GTF3C2: variants seen among roughly 807,000 people sequenced by gnomAD.
The protein encoded by GTF3C2 is general transcription factor IIIC subunit 2, also known as general transcription factor 3C polypeptide 2.
Under a neutral mutation model 117.4 loss-of-function variants are expected in GTF3C2, and 17 were observed. The observed-to-expected ratio is 0.14, with a 90% CI of 0.10 to 0.22. The LOEUF (loss-of-function observed/expected upper bound fraction) is 0.22, where lower values mean the gene tolerates loss of function less well. GTF3C2 is among the 10% of genes least tolerant of loss of function. GTF3C2 has a pLI of 1.00. For missense variants in GTF3C2, 888 were observed against 1,143.6 expected, an observed-to-expected ratio of 0.78 and a Z score of 3.22; for synonymous variants, 437 against 427.0, an observed-to-expected ratio of 1.02 and a Z score of -0.29.
rs375259640 is a variant in GTF3C2 at position 27,336,073 on chromosome 2, C to T, written c.1356-45G>A. 170 of 1,436,282 alleles carry T rather than the reference C, an allele frequency of 1.2e-4. 2 individuals are homozygous for T. In the African/African-American group the frequency reaches 1.9e-3, roughly 16 times the overall value. 89.0% of individuals were successfully genotyped at this position (1,436,282 alleles called of 1,614,324 possible). ...GGGGATGGTGGGTAGGAAGAAGGGA[C>T]GCAGGGCTGCCAGAGGTAAGCTCCC... On this transcript the variant is annotated intron_variant, in intron 8 of 18. Coordinates refer to ENST00000264720, the Ensembl canonical transcript of GTF3C2.
chr2:27,347,152 G>C, intron 1 of GTF3C2, among the ~76,000 whole-genome samples: 1 of 152,122 alleles, frequency 6.6e-6, no homozygotes, highest in Non-Finnish European at 1.5e-5. Flanking sequence ...ACTCTCCAAG[G>C]GTCCAGTTTT....
exon 16 of GTF3C2, chr2:27,328,588 T>C: frequency 6.2e-7 from 1 of 1,610,856 alleles, no homozygotes; most frequent in South Asian, 1.1e-5. Flanking sequence ...AGTCGGATCC[T>C]GAAAGACTCT....
chr2:27,339,420 A>G (rs888058628), intron 4 of GTF3C2, among the ~76,000 whole-genome samples: 1 of 151,138 alleles, frequency 6.6e-6, no homozygotes, highest in Admixed American at 6.6e-5. Context: ...AAAAAAAAAA[A>G]AAAAAAAGAA....
intron 1 of GTF3C2, among the ~76,000 whole-genome samples, chr2:27,343,812 G>A (rs1680828003): frequency 6.6e-6 from 1 of 152,110 alleles, no homozygotes. Context: ...TAGGGAGGCT[G>A]AGGCAGGAAG....
intron 18 of GTF3C2, 122 bp downstream of exon 18, chr2:27,327,055 T>G: frequency 1.5e-6 from 1 of 674,134 alleles, no homozygotes; most frequent in South Asian, 1.8e-5. Flanking sequence ...GAGGTACGTC[T>G]GTCATGCTCT....
Position 27,328,029 on chromosome 2 carries a change from C to G in GTF3C2, c.2409+8G>C. 6.2e-7 allele frequency: 1 copy of G among 1,608,672 alleles called. No homozygotes were observed. The highest frequency in any genetic ancestry group is 1.3e-5 in the African/African-American group (1 of 74,672). Reference sequence around the variant, plus strand: ...AATACCACACCCATTCTCCTGGCCTCAGCTTACCAAATCTGTGTCTTGAAA... The same window carrying G: ...AATACCACACCCATTCTCCTGGCCTGAGCTTACCAAATCTGTGTCTTGAAA... On this transcript the variant is annotated splice_region_variant and intron_variant, in intron 17 of 18. Transcript: ENST00000264720.
chr2:27,333,893 TAAG>T lies in GTF3C2; in HGVS notation c.1602+78_1602+80del, dbSNP rs939037589. On this transcript the variant is annotated intron_variant, in intron 11 of 18. Transcript: ENST00000264720. ...AGGATGAGGGTATTTTTCAGAAGTATAAGGAGACTCACTGTGGAATCAGCAAGG... is the reference window on the plus strand; with the variant it reads ...AGGATGAGGGTATTTTTCAGAAGTATGAGACTCACTGTGGAATCAGCAAGG... The T allele has an allele frequency of 2.9e-5, 42 of 1,457,764 alleles. No homozygotes were observed. In the African/African-American group the frequency reaches 5.7e-4, roughly 20 times the overall value. The allele number at this position is 1,457,764 out of a possible 1,614,324, so 90.3% of individuals were successfully genotyped here. A position where few individuals can be genotyped will look rare whatever the true frequency, so the allele number is the denominator to read the frequency against.
intron 1 of GTF3C2, among the ~76,000 whole-genome samples, chr2:27,344,694 A>C (rs1163985785): frequency 6.6e-6 from 1 of 152,248 alleles, no homozygotes; most frequent in African/African-American, 2.4e-5. Context: ...ATTTAAGAAT[A>C]AGTAAAAGGC....
chr2:27,337,285 AC>A lies in GTF3C2; in HGVS notation c.1085del (p.Arg362LeufsTer13). On this transcript the variant is annotated frameshift_variant, in exon 7 of 19. Transcript: ENST00000264720. LOFTEE classifies it high-confidence loss of function. ...GGGTGCCATCTTCAGGTAGCCCTTC[AC>A]GTTGTACAGAAAACAATGGAGACTT... 6.2e-7 allele frequency: 1 copy of A among 1,613,608 alleles called. No individual in the cohort carries two copies.
intron 4 of GTF3C2, chr2:27,339,968 C>G (rs536249391): frequency 1.7e-5 from 2 of 119,118 alleles, no homozygotes; most frequent in East Asian, 5.0e-4. Flanking sequence ...GCCTGGGTGA[C>G]AGAGCAAGAC....
chr2:27,356,282 G>C (rs952920453), intron 1 of GTF3C2: 5 of 399,182 alleles, frequency 1.3e-5, no homozygotes, highest in African/African-American at 1.0e-4. Context: ...TCGAGGAAGA[G>C]GCTGGGACAC....
rs184484492 is a variant in GTF3C2 at position 27,336,470 on chromosome 2, G to C, written c.1128-45C>G. 8.2e-6 allele frequency: 10 copies of C among 1,220,538 alleles called. 1 individual carries two copies. The East Asian group carries it at 2.3e-4, about 29-fold the overall frequency. 75.6% of individuals were successfully genotyped at this position (1,220,538 alleles called of 1,614,324 possible). A position where few individuals can be genotyped will look rare whatever the true frequency, so the allele number is the denominator to read the frequency against. ...GGGATGAAGAAAGGAATTAATGAAA[G>C]GTAATGAGGACTGAATGGGCGCTCC... On this transcript the variant is annotated intron_variant, in intron 7 of 18. Coordinates refer to ENST00000264720, the Ensembl canonical transcript of GTF3C2.
intron 9 of GTF3C2, 42 bp from the exon 10 acceptor site, chr2:27,335,748 G>A: frequency 8.8e-6 from 12 of 1,360,094 alleles, no homozygotes; most frequent in Non-Finnish European, 1.2e-5. Flanking sequence ...GCCTTCAGCT[G>A]ACTCACAGAA....
Position 27,338,479 on chromosome 2 carries a change from C to T in GTF3C2, c.856-459G>A, listed in dbSNP as rs559530894. ...ACGCGCGCACACACACACACACACA[C>T]ACACTCCTGGTAATCTCATCTCATG... On this transcript the variant is annotated intron_variant, in intron 4 of 18. Coordinates refer to ENST00000264720, the Ensembl canonical transcript of GTF3C2. Among the ~76,000 whole-genome samples the T allele has an allele frequency of 1.4e-3, 212 of 152,038 alleles. 2 individuals carry two copies. The highest frequency in any genetic ancestry group is 9.4e-4 in the Non-Finnish European group (64 of 68,022).
intron 1 of GTF3C2, among the ~76,000 whole-genome samples, chr2:27,347,157 A>C (rs1680945830): frequency 6.6e-6 from 1 of 152,324 alleles, no homozygotes; most frequent in African/African-American, 2.4e-5. Context: ...CCAAGGGTCC[A>C]GTTTTTGGCC....
chr2:27,352,755 T>C (rs566934078), intron 1 of GTF3C2, among the ~76,000 whole-genome samples: 22 of 152,308 alleles, frequency 1.4e-4, no homozygotes, highest in African/African-American at 5.1e-4. Flanking sequence ...AAGCATATTG[T>C]CCCCCAACTC....
chr2:27,332,300 C>A (rs1444427493), intron 12 of GTF3C2, among the ~76,000 whole-genome samples: 1 of 151,558 alleles, frequency 6.6e-6, no homozygotes, highest in Non-Finnish European at 1.5e-5. Context: ...TGTGAGCCAC[C>A]ATGCCTGGCT....
At chr2:27,335,401 A>C (rs1047846372) in intron 10 of GTF3C2, 197 bp downstream of exon 10, 2 of 706,594 alleles carry the variant, frequency 2.8e-6, no homozygotes, top group Non-Finnish European at 5.3e-6. Context: ...AAATGTGCTG[A>C]AAGAGTACAG....
At chr2:27,330,140 CAAA>C (rs35471821) in intron 12 of GTF3C2, among the ~76,000 whole-genome samples, 6 of 84,238 alleles carry the variant, frequency 7.1e-5, no homozygotes, top group Non-Finnish European at 6.9e-5. Context: ...GACTCCGTCT[CAAA>C]AAAAAAAAAA....
Sources: allele counts gnomAD v4.1 joint callset (sites outside exome capture counted in the v4.1 genomes callset), GRCh38; gene constraint gnomAD v4.1.1; transcripts MANE v1.5; gene names NCBI Gene and HGNC (gene_info 2026-07-23, HGNC 2026-07-21).